The following EML6 variants were observed in gnomAD, a reference collection of about 807,000 sequenced individuals.
EML6 encodes the protein EMAP like 6.
A neutral mutation model predicts 240.1 loss-of-function variants in EML6; 154 were observed. That is an observed-to-expected ratio of 0.64 (90% CI 0.56 to 0.73). The LOEUF is 0.73. Ranked by LOEUF, EML6 falls within the 30% of genes least tolerant of loss-of-function variation. EML6 has a pLI of 0.00. For synonymous variants in EML6, 1,148 were observed against 899.0 expected (o/e 1.28, Z -4.95); for missense variants, 2,964 against 2,474.6 (o/e 1.20, Z -4.20).
At chr2:54,837,008 G>T (rs1477056132) in intron 7 of EML6, among the ~76,000 whole-genome samples, 2 of 152,128 alleles carry the variant, frequency 1.3e-5, no homozygotes, top group East Asian at 3.9e-4. Context: ...GCAAGGGCGG[G>T]GGGTTTTGAA....
At chr2:54,736,588 T>G (rs1683402922) in intron 2 of EML6, among the ~76,000 whole-genome samples, 1 of 152,238 alleles carries the variant, frequency 6.6e-6, no homozygotes, top group Non-Finnish European at 1.5e-5. Context: ...AGTGAACTGG[T>G]TTCTACTTCC....
chr2:54,848,950 G>A (rs1159452168), intron 9 of EML6, among the ~76,000 whole-genome samples: 15 of 152,096 alleles, frequency 9.9e-5, no homozygotes, highest in Non-Finnish European at 2.9e-5. Context: ...TAGGTATCAA[G>A]CTTAACAGTC....
At chr2:54,938,399 C>T (rs1054712107) in intron 28 of EML6, among the ~76,000 whole-genome samples, 10 of 152,136 alleles carry the variant, frequency 6.6e-5, no homozygotes, top group African/African-American at 1.4e-4. Flanking sequence ...AATTTTTAGG[C>T]GGCACTGTTA....
intron 8 of EML6, among the ~76,000 whole-genome samples, chr2:54,844,463 T>G (rs1669643288): frequency 6.6e-6 from 1 of 152,212 alleles, no homozygotes; most frequent in African/African-American, 2.4e-5. Flanking sequence ...TTTTTAGAAG[T>G]GAAAAATGCT....
rs763565513 is a variant in EML6 at position 54,752,037 on chromosome 2, C to T, written c.197+26779C>T. ...CAAAACTTTCTTCCTTCTTTCCCAC[C>T]TTAAGGATGAGTGCACTTTAGGGCA... On this transcript the variant is annotated intron_variant, in intron 2 of 41. Transcript: ENST00000356458. 1.1e-3 allele frequency among the ~76,000 whole-genome samples: 166 copies of T among 152,220 alleles called. No individual in the cohort carries two copies. In the Middle Eastern group the frequency reaches 0.014, roughly 12 times the overall value.
At chr2:54,949,084 T>C (rs1675835355) in intron 29 of EML6, 124 bp downstream of exon 29, 2 of 728,646 alleles carry the variant, frequency 2.7e-6, no homozygotes, top group Non-Finnish European at 4.8e-6. Flanking sequence ...GGCTCTCTTT[T>C]GTCCCCTCTC....
At chr2:54,806,333 C>T (rs1426788732) in intron 2 of EML6, among the ~76,000 whole-genome samples, 3 of 152,040 alleles carry the variant, frequency 2.0e-5, no homozygotes, top group Non-Finnish European at 4.4e-5. Context: ...CTGTTCCTGG[C>T]CGGGCGCGGT....
intron 28 of EML6, among the ~76,000 whole-genome samples, chr2:54,929,914 A>G (rs1160087607): frequency 1.3e-5 from 2 of 152,182 alleles, no homozygotes; most frequent in Non-Finnish European, 2.9e-5. Context: ...TTCAGAGTTC[A>G]TTTTGCTTGC....
intron 28 of EML6, among the ~76,000 whole-genome samples, chr2:54,929,109 G>C (rs1674719210): frequency 1.3e-5 from 2 of 152,320 alleles, no homozygotes; most frequent in South Asian, 4.1e-4. Flanking sequence ...GTAGGAGGGA[G>C]GACAGGATTC....
chr2:54,896,635 A>G (rs945435364), intron 21 of EML6, among the ~76,000 whole-genome samples: 2 of 152,192 alleles, frequency 1.3e-5, no homozygotes, highest in Non-Finnish European at 2.9e-5. Context: ...CACTGATCAT[A>G]TGAGCAGTCA....
chr2:54,924,136 G>A (rs1223337342), intron 26 of EML6, among the ~76,000 whole-genome samples: 1 of 152,198 alleles, frequency 6.6e-6, no homozygotes. Flanking sequence ...ATATATAGGA[G>A]TGGAATTTCT....
Position 54,928,670 on chromosome 2 carries a change from C to G in EML6, c.3923C>G (p.Thr1308Ser). Residue 1308 changes from threonine to serine, a missense_variant, in exon 28 of 42, where the codon ACC (threonine) becomes AGC (serine). Transcript: ENST00000356458. ...AGAGAAAAGGCCATTGACTACACCA[C>G]CAAGATTTATGCTGTGAGCATCAGG... Reference protein sequence around the residue: ...VAREKAIDYTTKIYAVSIREM... With the variant: ...VAREKAIDYTSKIYAVSIREM... 3.2e-6 allele frequency: 5 copies of G among 1,552,038 alleles called. No individual in the cohort carries two copies. Among genetic ancestry groups the G allele is most frequent in the Non-Finnish European group, 4.4e-6 (5 of 1,147,060 alleles).
At chr2:54,866,170 G>A (rs77161282) in intron 13 of EML6, among the ~76,000 whole-genome samples, 2,090 of 152,250 alleles carry the variant, frequency 0.014, 62 homozygotes, top group African/African-American at 0.047. Context: ...TTACTAGATT[G>A]GATTTGATTC....
chr2:54,910,436 G>T (rs1165891264), intron 24 of EML6, among the ~76,000 whole-genome samples: 1 of 152,210 alleles, frequency 6.6e-6, no homozygotes, highest in African/African-American at 2.4e-5. Context: ...GTTCAAGTAA[G>T]ACCAGAGGGT....
chr2:54,742,050 A>G (rs532046106), intron 2 of EML6, among the ~76,000 whole-genome samples: 6 of 152,370 alleles, frequency 3.9e-5, no homozygotes, highest in Non-Finnish European at 5.9e-5. Context: ...ATTAACATTC[A>G]TAACAATGGG....
chr2:54,823,848 CAT>C (rs1491436140), intron 5 of EML6, among the ~76,000 whole-genome samples: 4 of 146,374 alleles, frequency 2.7e-5, no homozygotes, highest in Non-Finnish European at 4.5e-5. Flanking sequence ...TTCATTCATT[CAT>C]TCTCTCTCTC....
intron 28 of EML6, among the ~76,000 whole-genome samples, chr2:54,947,969 C>T (rs1208191774): frequency 6.6e-6 from 1 of 152,214 alleles, no homozygotes; most frequent in East Asian, 1.9e-4. Flanking sequence ...CTAAACTGTA[C>T]TAAGTTTCTC....
At chr2:54,813,180 A>T (rs892940323) in intron 2 of EML6, 52 bp from the exon 3 acceptor site, 10 of 1,304,282 alleles carry the variant, frequency 7.7e-6, no homozygotes, top group African/African-American at 4.5e-5. Context: ...ATAAAAGGTG[A>T]TCAGTGTTTT....
chr2:54,921,363 T>A (rs1292658076), intron 26 of EML6, among the ~76,000 whole-genome samples: 3 of 152,160 alleles, frequency 2.0e-5, no homozygotes, highest in Non-Finnish European at 4.4e-5. Context: ...GGAATAAGTT[T>A]AGCCAAGGAG....
Sources: gnomAD v4.1 joint callset for allele counts (sites outside exome capture counted in the v4.1 genomes callset) on GRCh38, gnomAD v4.1.1 for gene constraint, MANE v1.5 for transcripts, NCBI Gene and HGNC (gene_info 2026-07-23, HGNC 2026-07-21) for gene names.